The following CACNA2D4 variants were observed in gnomAD, a reference collection of about 807,000 sequenced individuals.
CACNA2D4 encodes calcium voltage-gated channel auxiliary subunit alpha2delta 4.
In CACNA2D4, 157 loss-of-function variants were observed where a neutral mutation model predicts 163.8. The observed-to-expected ratio is 0.96, with a 90% CI of 0.84 to 1.09. CACNA2D4 has a LOEUF of 1.09. Ranked by LOEUF, CACNA2D4 falls within the 50% of genes least tolerant of loss-of-function variation. The pLI is 0.00. For missense variants in CACNA2D4, 1,410 were observed against 1,479.9 expected (o/e 0.95, Z 0.78); for synonymous variants, 598 against 586.9 (o/e 1.02, Z -0.27).
chr12:1,855,891 C>A, intron 22 of CACNA2D4, 121 bp downstream of exon 22: 1 of 702,356 alleles, frequency 1.4e-6, no homozygotes, highest in Non-Finnish European at 2.5e-6. Flanking sequence ...CTAAGCCATC[C>A]ATGTGCTAAT....
chr12:1,846,498 G>C lies in CACNA2D4; in HGVS notation c.2342+96C>G, dbSNP rs7137553. ...CAGGGGTCCAGCATGCTGGAGACCC[G>C]GTGCCAGTCCACCCATGGCCCAGGA... is the stretch of plus-strand genomic sequence containing the variant. On this transcript the variant is annotated intron_variant, in intron 24 of 37. Transcript: ENST00000382722. The C allele has an allele frequency of 5.5e-4, 538 of 981,212 alleles. 2 individuals are homozygous for C. The African/African-American group carries it at 7.7e-3, about 14-fold the overall frequency. The allele number at this position is 981,212 out of a possible 1,614,324, so 60.8% of individuals were successfully genotyped here.
intron 26 of CACNA2D4, among the ~76,000 whole-genome samples, chr12:1,812,367 G>A (rs1384362529): frequency 6.6e-6 from 1 of 152,214 alleles, no homozygotes; most frequent in Non-Finnish European, 1.5e-5. Flanking sequence ...GCTTACAAGG[G>A]CCACCCCTGA....
intron 18 of CACNA2D4, 87 bp from the exon 19 acceptor site, chr12:1,860,293 A>G (rs1259829074): frequency 5.3e-6 from 5 of 948,718 alleles, no homozygotes; most frequent in Non-Finnish European, 8.4e-6. Context: ...TGGGGTCTTC[A>G]TCGTCACTGT....
At position 1,801,580 on chromosome 12, in the gene CACNA2D4, A is replaced by G; in HGVS notation, c.2786T>C (p.Phe929Ser). 1.3e-6 allele frequency: 2 copies of G among 1,587,286 alleles called. No individual in the cohort carries two copies. The highest frequency in any genetic ancestry group is 8.6e-7 in the Non-Finnish European group (1 of 1,166,422). ...VLTQLLSMGV[F>S]SQVTMYDYQA... is the part of the protein sequence containing the mutation. ...AGGAGTGTGCCCCACTTACTGGCTG[A>G]ACACCCCCATGCTGAGCAGCTGGGT... is the stretch of plus-strand genomic sequence containing the variant. The change falls in exon 30 of 38, where the codon TTC becomes TCC. Residue 929 changes from phenylalanine (F) to serine (S), a missense_variant. Transcript: ENST00000382722.
At position 1,874,551 on chromosome 12, in the gene CACNA2D4, A is replaced by G; in HGVS notation, c.1878+53T>C. On this transcript the variant is annotated intron_variant, in intron 18 of 37. Coordinates refer to ENST00000382722, the MANE Select transcript of CACNA2D4 (RefSeq NM_172364.5). The surrounding 1 kb of genome is among the most constrained non-coding windows in gnomAD (Gnocchi z 4.4). ...GGTCCCTCGTCACTACTCCAAACCC[A>G]ATTAATGAAGATGCCTTCCTAGGCC... 1 of 1,287,484 alleles carries G rather than the reference A, an allele frequency of 7.8e-7. No individual in the cohort carries two copies. Among genetic ancestry groups the G allele is most frequent in the Non-Finnish European group, 1.1e-6 (1 of 884,496 alleles). 79.8% of individuals were successfully genotyped at this position (1,287,484 alleles called of 1,614,324 possible).
intron 29 of CACNA2D4, among the ~76,000 whole-genome samples, chr12:1,804,816 T>TG: frequency 6.6e-6 from 1 of 152,234 alleles, no homozygotes; most frequent in Non-Finnish European, 1.5e-5. Flanking sequence ...ATCGTGCGGA[T>TG]GGGGACAGGC....
intron 16 of CACNA2D4, among the ~76,000 whole-genome samples, chr12:1,877,221 C>T (rs971455477): frequency 2.0e-5 from 3 of 152,194 alleles, no homozygotes; most frequent in African/African-American, 7.2e-5. Context: ...CTGGTTGAAG[C>T]CTTATATTCG....
chr12:1,847,810 A>G (rs979902387), intron 23 of CACNA2D4, among the ~76,000 whole-genome samples: 2 of 152,202 alleles, frequency 1.3e-5, no homozygotes, highest in African/African-American at 4.8e-5. Flanking sequence ...TTTGAAGCAA[A>G]TCCCAGATAT....
At chr12:1,896,460 A>T (rs1866401900) in intron 6 of CACNA2D4, among the ~76,000 whole-genome samples, 1 of 152,214 alleles carries the variant, frequency 6.6e-6, no homozygotes, top group African/African-American at 2.4e-5. Context: ...ATTTCTCAAA[A>T]GACATGAATA....
intron 26 of CACNA2D4, among the ~76,000 whole-genome samples, chr12:1,831,788 C>A (rs192244391): frequency 2.9e-4 from 44 of 150,602 alleles, no homozygotes; most frequent in East Asian, 1.8e-3. Flanking sequence ...CCTCCCCCAG[C>A]CAGCTCCCCA....
rs33972365 is a variant in CACNA2D4, at chr12:1,840,773, C to A, written c.2517G>T (p.Ala839=). The change falls in exon 26 of 38, where the codon GCG becomes GCT. Residue 839 remains alanine, a synonymous_variant. Transcript: ENST00000382722. ...PMVVTASTAV[A]VTVDKRTAIA... ...TGGCTGTCCTCTTGTCCACGGTCAC[C>A]GCCACAGCTGTGCTTGCCGTCACCA... is the stretch of plus-strand genomic sequence containing the variant. 1.2e-6 allele frequency: 2 copies of A among 1,613,778 alleles called. No homozygotes were observed. Among genetic ancestry groups the A allele is most frequent in the South Asian group, 1.1e-5 (1 of 91,086 alleles).
intron 37 of CACNA2D4, among the ~76,000 whole-genome samples, 192 bp from the exon 38 acceptor site, chr12:1,793,951 G>A (rs549370033): frequency 3.3e-5 from 5 of 152,274 alleles, no homozygotes; most frequent in African/African-American, 7.2e-5. Flanking sequence ...AGCCTGGGAG[G>A]GGGGCACCGG....
rs138572937 is a variant in CACNA2D4, at chr12:1,831,358, T to C, written c.2551+9381A>G. 900 of 1,613,990 alleles carry C rather than the reference T, an allele frequency of 5.6e-4. No individual in the cohort carries two copies. The highest frequency in any genetic ancestry group is 7.4e-4 in the Non-Finnish European group (871 of 1,180,032). ...CCCCCTGGTCTTTTCGACGGGCTCC[T>C]GGCTCTGCGCTCCCTCTCGCTTCGC... On this transcript the variant is annotated intron_variant, in intron 26 of 37. Transcript: ENST00000382722.
intron 27 of CACNA2D4, among the ~76,000 whole-genome samples, chr12:1,811,245 A>G (rs940477832): frequency 4.6e-5 from 7 of 152,162 alleles, no homozygotes; most frequent in Non-Finnish European, 8.8e-5. Flanking sequence ...GGGGAAGCAG[A>G]GGGGAAAGGA....
At chr12:1,840,135 G>C (rs1565704105) in intron 26 of CACNA2D4, among the ~76,000 whole-genome samples, 1 of 152,172 alleles carries the variant, frequency 6.6e-6, no homozygotes, top group Non-Finnish European at 1.5e-5. Context: ...GTTTCTAACA[G>C]AGGCCCACGC....
chr12:1,876,566 A>G (rs187278461), intron 16 of CACNA2D4, among the ~76,000 whole-genome samples: 1 of 152,346 alleles, frequency 6.6e-6, no homozygotes. Flanking sequence ...ATGCCTGGAC[A>G]GCTCCGGTCC....
At chr12:1,901,702 GTC>G (rs1866541194) in intron 6 of CACNA2D4, among the ~76,000 whole-genome samples, 1 of 152,040 alleles carries the variant, frequency 6.6e-6, no homozygotes, top group African/African-American at 2.4e-5. Flanking sequence ...ATTATAAAAA[GTC>G]TCTCAGCAAA....
chr12:1,901,731 G>A (rs916736846), intron 6 of CACNA2D4, among the ~76,000 whole-genome samples: 13 of 152,078 alleles, frequency 8.5e-5, no homozygotes, highest in African/African-American at 3.1e-4. Context: ...GCTGGGACCT[G>A]ACGGCTTCAG....
At chr12:1,840,904 G>A (rs1278281259) in intron 25 of CACNA2D4, 85 bp from the exon 26 acceptor site, 2 of 1,183,878 alleles carry the variant, frequency 1.7e-6, no homozygotes, top group African/African-American at 1.5e-5. Context: ...AATAGGAGAT[G>A]GGAATAAAAG....
Sources: allele counts gnomAD v4.1 joint callset (sites outside exome capture counted in the v4.1 genomes callset), GRCh38; gene constraint gnomAD v4.1.1; non-coding constraint Gnocchi (gnomAD v3.1); transcripts MANE v1.5; gene names NCBI Gene and HGNC (gene_info 2026-07-23, HGNC 2026-07-21).